EVI5L: variants seen among roughly 807,000 people sequenced by gnomAD.
EVI5L encodes the protein EVI5-like protein.
Under a neutral mutation model 106.1 loss-of-function variants are expected in EVI5L, and 30 were observed. The observed-to-expected ratio is 0.28, with a 90% confidence interval of 0.21 to 0.38. The LOEUF (loss-of-function observed/expected upper bound fraction) is 0.38, where lower values mean the gene tolerates loss of function less well. Ranked by LOEUF, EVI5L falls within the 10% of genes least tolerant of loss-of-function variation. EVI5L has a pLI of 1.00. For synonymous variants in EVI5L, 489 were observed against 483.3 expected, an observed-to-expected ratio of 1.01 and a Z score of -0.15; for missense variants, 809 against 1,098.0, an observed-to-expected ratio of 0.74 and a Z score of 3.72.
Position 7,863,471 on chromosome 19 carries a change from C to T in EVI5L, c.2187C>T (p.Phe729=), listed in dbSNP as rs780625188. 1.3e-6 allele frequency: 2 copies of T among 1,568,226 alleles called. No individual in the cohort carries two copies. The highest frequency in any genetic ancestry group is 1.7e-6 in the Non-Finnish European group (2 of 1,158,012). The change falls in exon 20 of 20, where the codon TTC becomes TTT. Residue 729 remains phenylalanine (F), a synonymous_variant. Transcript: ENST00000538904. The surrounding 1 kb of genome is among the most constrained non-coding windows in gnomAD (Gnocchi z 7.7). ...GPPPFEDPLA[F]DGLSLARHLD... ...CGCCCTTCGAGGACCCGCTGGCTTT[C>T]GATGGGCTGAGCCTGGCGCGGCACT... is the stretch of plus-strand genomic sequence containing the variant.
At chr19:7,861,272 A>G (rs575724494) in intron 14 of EVI5L, among the ~76,000 whole-genome samples, 1 of 152,340 alleles carries the variant, frequency 6.6e-6, no homozygotes, top group South Asian at 2.1e-4. Flanking sequence ...TCACCAGCCA[A>G]GAGCTGGGCT....
chr19:7,862,117 C>A lies in EVI5L; in HGVS notation c.1645-5C>A, dbSNP rs2146440152. The stretch of plus-strand genomic sequence containing the variant: ...GACCGCCGGCTTCTCGGCTTCACCC[C>A]CCAGGCCCATCTGGCCCGCGGCGGC... On this transcript the variant is annotated splice_polypyrimidine_tract_variant and splice_region_variant and intron_variant, in intron 15 of 19. Coordinates refer to ENST00000538904, the MANE Select transcript of EVI5L (RefSeq NM_001159944.3). The A allele has an allele frequency of 7.0e-6, 11 of 1,564,370 alleles. No individual in the cohort carries two copies. The highest frequency in any genetic ancestry group is 9.5e-6 in the Non-Finnish European group (11 of 1,159,286).
chr19:7,852,469 G>T (rs1979299194), intron 8 of EVI5L, among the ~76,000 whole-genome samples: 1 of 147,414 alleles, frequency 6.8e-6, no homozygotes, highest in Non-Finnish European at 1.5e-5. Context: ...CTTCCCCCAC[G>T]AAGGTCCCCT....
In EVI5L at chr19:7,850,604, C is replaced by T. The variant is rs1979196929; in HGVS notation, c.753+482C>T. Reference sequence around the variant, plus strand: ...ACATACACACACCCGCATGCATACACACACACGCAGACACACACACACACA... The same window carrying T: ...ACATACACACACCCGCATGCATACATACACACGCAGACACACACACACACA... On this transcript the variant is annotated intron_variant, in intron 6 of 19. Transcript: ENST00000538904. The surrounding 1 kb of genome is among the most constrained non-coding windows in gnomAD (Gnocchi z 5.4). Among the ~76,000 whole-genome samples the T allele has an allele frequency of 6.6e-6, 1 of 152,216 alleles. No individual in the cohort carries two copies. Among genetic ancestry groups the T allele is most frequent in the Non-Finnish European group, 1.5e-5 (1 of 68,036 alleles).
At position 7,850,299 on chromosome 19, in the gene EVI5L, G is replaced by T. The variant is rs2146427099; in HGVS notation, c.753+177G>T. Among the ~76,000 whole-genome samples, 1 of 152,202 alleles carries T rather than the reference G, an allele frequency of 6.6e-6. No homozygotes were observed. Among genetic ancestry groups the T allele is most frequent in the African/African-American group, 2.4e-5 (1 of 41,520 alleles). On this transcript the variant is annotated intron_variant, in intron 6 of 19. Transcript: ENST00000538904. This position sits in a 1 kb window ranked among gnomAD's most constrained non-coding sequence, Gnocchi z 5.4. ...CACCTGGACGTTCCAACTCCAAAAG[G>T]CACTCCTCTTTCCATGCAGCACTGC...
rs775982357 is a variant in EVI5L, at chr19:7,860,620, G to A, written c.1434G>A (p.Ser478=). The part of the protein sequence containing the change: ...VSHLETELEQ[S]RLRETETLGA... ...ACCTGGAGACCGAGCTGGAGCAGTC[G>A]AGGCTGCGGGAGACGGAGACACTGG... The change falls in exon 14 of 20, where the codon TCG becomes TCA. Residue 478 remains serine, a synonymous_variant. Transcript: ENST00000538904. 1.1e-5 allele frequency: 17 copies of A among 1,599,184 alleles called. No individual in the cohort carries two copies. The highest frequency in any genetic ancestry group is 6.7e-5 in the African/African-American group (5 of 74,708).
chr19:7,844,138 G>C (rs1292464850), intron 1 of EVI5L, among the ~76,000 whole-genome samples: 1 of 151,700 alleles, frequency 6.6e-6, no homozygotes, highest in Non-Finnish European at 1.5e-5. Flanking sequence ...GGATTCCGAG[G>C]TCAGGAGTTC....
chr19:7,843,665 T>C (rs1164581628), intron 1 of EVI5L, among the ~76,000 whole-genome samples: 1 of 148,846 alleles, frequency 6.7e-6, no homozygotes, highest in Non-Finnish European at 1.5e-5. Flanking sequence ...TGTGTGTGTA[T>C]AGGTGTATGA....
rs1555692199 is a variant in EVI5L at position 7,843,392 on chromosome 19, C to CGTGTGTGT, written c.-47-3104_-47-3103insGTGTGTGT. On this transcript the variant is annotated intron_variant, in intron 1 of 19. Transcript: ENST00000538904. The stretch of plus-strand genomic sequence containing the variant: ...TAGGCATGGGTGTGTCGAGTGTGTG[C>CGTGTGTGT]ATAGGTGTGTGAGTGTGAGAATAGG... Among the ~76,000 whole-genome samples the CGTGTGTGT allele has an allele frequency of 1.2e-4, 13 of 107,138 alleles. 3 individuals are homozygous for CGTGTGTGT. Among genetic ancestry groups the CGTGTGTGT allele is most frequent in the Non-Finnish European group, 2.2e-4 (12 of 54,262 alleles). 70.3% of individuals were successfully genotyped at this position (107,138 alleles called of 152,430 possible). A position where few individuals can be genotyped will look rare whatever the true frequency, so the allele number is the denominator to read the frequency against.
Position 7,845,095 on chromosome 19 carries a change from G to T in EVI5L, c.-47-1401G>T, listed in dbSNP as rs1978893878. Among the ~76,000 whole-genome samples, 1 of 152,116 alleles carries T rather than the reference G, an allele frequency of 6.6e-6. No individual in the cohort carries two copies. Among genetic ancestry groups the T allele is most frequent in the South Asian group, 2.1e-4 (1 of 4,828 alleles). On this transcript the variant is annotated intron_variant, in intron 1 of 19. Transcript: ENST00000538904. This position sits in a 1 kb window ranked among gnomAD's most constrained non-coding sequence, Gnocchi z 4.0. ...CAGATATCCCCACTCCAAGGACCCA[G>T]CGAGGCCCTCTCTGTAGGTGGAGCT...
chr19:7,855,504 G>C (rs1264212952), intron 10 of EVI5L, among the ~76,000 whole-genome samples: 1 of 152,246 alleles, frequency 6.6e-6, no homozygotes, highest in Non-Finnish European at 1.5e-5. Flanking sequence ...GGGACAGGTT[G>C]CTCTCAGCAG....
rs1341590185 is a variant in EVI5L at position 7,860,764 on chromosome 19, A to C, written c.1503+75A>C. Reference sequence around the variant, plus strand: ...GGAGGGGTCCTGGATAAGCTTTGGGAGTGACCCCAGGTCAGAATCCCCCAC... The same window carrying C: ...GGAGGGGTCCTGGATAAGCTTTGGGCGTGACCCCAGGTCAGAATCCCCCAC... On this transcript the variant is annotated intron_variant, in intron 14 of 19. Coordinates refer to ENST00000538904, the MANE Select transcript of EVI5L (RefSeq NM_001159944.3). 5 of 1,450,884 alleles carry C rather than the reference A, an allele frequency of 3.4e-6. No homozygotes were observed. The East Asian group carries it at 1.3e-4, about 37-fold the overall frequency. 89.9% of individuals were successfully genotyped at this position (1,450,884 alleles called of 1,614,324 possible).
rs191273983 is a variant in EVI5L, at chr19:7,839,136, A to C, written c.-47-7360A>C. Among the ~76,000 whole-genome samples, 385 of 152,128 alleles carry C rather than the reference A, an allele frequency of 2.5e-3. 3 individuals are homozygous for C. Among genetic ancestry groups the C allele is most frequent in the African/African-American group, 8.8e-3 (366 of 41,496 alleles). On this transcript the variant is annotated intron_variant, in intron 1 of 19. Coordinates refer to ENST00000538904, the MANE Select transcript of EVI5L (RefSeq NM_001159944.3). ...GGTAACACAGTGAAACCCCATCTCTACTAAAAAATACAAAAAATTAGCCAG... is the reference window on the plus strand; with the variant it reads ...GGTAACACAGTGAAACCCCATCTCTCCTAAAAAATACAAAAAATTAGCCAG...
At position 7,858,382 on chromosome 19, in the gene EVI5L, G is replaced by A. The variant is rs573789634; in HGVS notation, c.1374+51G>A. On this transcript the variant is annotated intron_variant, in intron 13 of 19. Transcript: ENST00000538904. This position sits in a 1 kb window ranked among gnomAD's most constrained non-coding sequence, Gnocchi z 5.7. ...GGGCGGGGCCATGACCCGCGCCCCC[G>A]CCCCCGCCCAACGGTTTTCTTTCAG... 34 of 1,430,636 alleles carry A rather than the reference G, an allele frequency of 2.4e-5. No individual in the cohort carries two copies. In the East Asian group the frequency reaches 6.8e-4, roughly 29 times the overall value. The allele number at this position is 1,430,636 out of a possible 1,614,324, so 88.6% of individuals were successfully genotyped here.
In EVI5L at chr19:7,858,171, C is replaced by G. The variant is rs915487081; in HGVS notation, c.1234-20C>G. The G allele has an allele frequency of 2.6e-6, 4 of 1,550,802 alleles. No homozygotes were observed. Among genetic ancestry groups the G allele is most frequent in the South Asian group, 1.2e-5 (1 of 84,018 alleles). The stretch of plus-strand genomic sequence containing the variant: ...CGAGGGTCACGGCCTCCCCCTGCCC[C>G]CTGTCCTCGCTGTTCTCAGGGGCAA... On this transcript the variant is annotated intron_variant, in intron 12 of 19. Transcript: ENST00000538904. This position sits in a 1 kb window ranked among gnomAD's most constrained non-coding sequence, Gnocchi z 5.7.
In EVI5L at chr19:7,850,002, TGAG is replaced by T. The variant is rs1332853220; in HGVS notation, c.641_643del (p.Glu214del). The T allele has an allele frequency of 6.3e-7, 1 of 1,591,928 alleles. No homozygotes were observed. Among genetic ancestry groups the T allele is most frequent in the Non-Finnish European group, 8.6e-7 (1 of 1,169,398 alleles). The stretch of plus-strand genomic sequence containing the variant: ...CACCTGCCCGTCCCCCCTAGATGCC[TGAG>T]GAGGAGGCCTTCTGTGTGTTCGTGC... On this transcript the variant is annotated inframe_deletion, in exon 6 of 20. Transcript: ENST00000538904. The surrounding 1 kb of genome is among the most constrained non-coding windows in gnomAD (Gnocchi z 5.4).
chr19:7,831,226 A>AAC (rs4045095), intron 1 of EVI5L, among the ~76,000 whole-genome samples: 10,093 of 130,074 alleles, frequency 0.078, 462 homozygotes, highest in East Asian at 0.18. Flanking sequence ...GAAAACCCCA[A>AAC]ACACACACAC....
chr19:7,843,088 TGA>T (rs371364922), intron 1 of EVI5L, among the ~76,000 whole-genome samples: 22 of 148,978 alleles, frequency 1.5e-4, no homozygotes, highest in Middle Eastern at 3.6e-3. Context: ...TATAGGTGTG[TGA>T]GTGTGTGAGA....
chr19:7,850,182 C>G lies in EVI5L; in HGVS notation c.753+60C>G. 1 of 1,555,214 alleles carries G rather than the reference C, an allele frequency of 6.4e-7. No individual in the cohort carries two copies. ...GGGCAGGGCCACAGGTGGGCAGGGC[C>G]GCAAGGGAGCAGGATCGCAGAAGGG... On this transcript the variant is annotated intron_variant, in intron 6 of 19. Transcript: ENST00000538904. This position sits in a 1 kb window ranked among gnomAD's most constrained non-coding sequence, Gnocchi z 5.4.
Sources: gnomAD v4.1 joint callset for allele counts (sites outside exome capture counted in the v4.1 genomes callset) on GRCh38, gnomAD v4.1.1 for gene constraint, Gnocchi (gnomAD v3.1) non-coding constraint, MANE v1.5 for transcripts, NCBI Gene and HGNC (gene_info 2026-07-23, HGNC 2026-07-21) for gene names.